The following SLC30A8 variants were observed in gnomAD, a reference collection of about 807,000 sequenced individuals.
SLC30A8 encodes proton-coupled zinc antiporter SLC30A8.
SLC30A8 carries 27 observed loss-of-function variants against 36.9 expected under a neutral mutation model. The observed-to-expected ratio is 0.73, with a 90% CI of 0.54 to 1.01. SLC30A8 has a LOEUF of 1.01. SLC30A8 is among the 50% of genes least tolerant of loss of function. The pLI, the probability that SLC30A8 is intolerant of heterozygous loss-of-function variation, is 0.00. For missense variants in SLC30A8, 439 were observed against 452.0 expected, an observed-to-expected ratio of 0.97 and a Z score of 0.26; for synonymous variants, 164 against 172.4, an observed-to-expected ratio of 0.95 and a Z score of 0.38.
intron 2 of SLC30A8, among the ~76,000 whole-genome samples, chr8:117,126,458 C>T (rs1036530378): frequency 6.6e-6 from 1 of 151,856 alleles, no homozygotes; most frequent in Admixed American, 6.6e-5. Context: ...GAATGGTACC[C>T]AAGTCTTCTG....
intron 1 of SLC30A8, among the ~76,000 whole-genome samples, chr8:116,977,784 A>T (rs1815102863): frequency 6.6e-6 from 1 of 152,118 alleles, no homozygotes; most frequent in Non-Finnish European, 1.5e-5. Context: ...TGTTGGGATT[A>T]CAGGTGTGAG....
At chr8:117,082,582 G>A (rs1275983054) in intron 2 of SLC30A8, among the ~76,000 whole-genome samples, 3 of 152,162 alleles carry the variant, frequency 2.0e-5, no homozygotes, top group Admixed American at 6.6e-5. Context: ...TATTGATCAT[G>A]ATGATGTGAA....
upstream of SLC30A8, among the ~76,000 whole-genome samples, chr8:117,133,013 ATAAT>A (rs376570445): frequency 3.9e-3 from 591 of 152,132 alleles, 5 homozygotes; most frequent in African/African-American, 0.013. Context: ...GATGAAAATC[ATAAT>A]TAATTTCCTA....
At chr8:116,960,311 T>G (rs959989922) in intron 1 of SLC30A8, among the ~76,000 whole-genome samples, 40 of 152,322 alleles carry the variant, frequency 2.6e-4, no homozygotes, top group African/African-American at 9.6e-4. Context: ...ACATTTGACC[T>G]TCACTTTTTT....
intron 1 of SLC30A8, among the ~76,000 whole-genome samples, chr8:116,987,460 A>G (rs1176655541): frequency 1.3e-5 from 2 of 152,086 alleles, no homozygotes; most frequent in African/African-American, 2.4e-5. Context: ...ACACGTAAAA[A>G]TAAAATAAAA....
intron 2 of SLC30A8, among the ~76,000 whole-genome samples, chr8:117,056,717 G>A (rs973500291): frequency 6.6e-6 from 1 of 152,060 alleles, no homozygotes; most frequent in Non-Finnish European, 1.5e-5. Flanking sequence ...AGAAGCAACA[G>A]ACCACTTATA....
intron 2 of SLC30A8, among the ~76,000 whole-genome samples, chr8:117,071,114 G>T (rs1278814658): frequency 1.3e-5 from 2 of 152,112 alleles, no homozygotes; most frequent in African/African-American, 4.8e-5. Flanking sequence ...TATTTGAGGA[G>T]CCTCCATACT....
Position 117,118,847 on chromosome 8 carries a change from G to A in SLC30A8, c.-225-16433G>A, listed in dbSNP as rs535442457. ...ACAATTTGAGTCATTCATCTGCATT[G>A]CTGTCAGGTGATGGTAAAATTCTGG... On this transcript the variant is annotated intron_variant, in intron 2 of 10. Coordinates refer to the SLC30A8 transcript ENST00000427715. 1.5e-4 allele frequency among the ~76,000 whole-genome samples: 23 copies of A among 151,934 alleles called. 1 individual carries two copies. The South Asian group carries it at 4.8e-3, about 32-fold the overall frequency.
chr8:117,001,608 T>C (rs1010235709), intron 1 of SLC30A8, among the ~76,000 whole-genome samples: 2 of 152,236 alleles, frequency 1.3e-5, no homozygotes, highest in African/African-American at 4.8e-5. Context: ...GTGACTAGAA[T>C]AGTTTTTTTC....
At chr8:117,112,857 C>A (rs192101978) in intron 2 of SLC30A8, among the ~76,000 whole-genome samples, 1 of 150,814 alleles carries the variant, frequency 6.6e-6, no homozygotes, top group African/African-American at 2.5e-5. Flanking sequence ...TGCAGTTTTG[C>A]GGAGTCAGCA....
chr8:117,127,738 CA>C (rs1389222380), intron 2 of SLC30A8, among the ~76,000 whole-genome samples: 1 of 151,944 alleles, frequency 6.6e-6, no homozygotes, highest in Non-Finnish European at 1.5e-5. Flanking sequence ...CTAATAATCC[CA>C]GGGGCTAAGA....
chr8:117,067,211 G>A (rs1257294752), intron 2 of SLC30A8, among the ~76,000 whole-genome samples: 1 of 152,070 alleles, frequency 6.6e-6, no homozygotes, highest in African/African-American at 2.4e-5. Flanking sequence ...CTCACCACAC[G>A]TAGGGATTAT....
chr8:117,148,219 G>A (rs1453049823), intron 2 of SLC30A8, among the ~76,000 whole-genome samples: 1 of 151,784 alleles, frequency 6.6e-6, no homozygotes, highest in Non-Finnish European at 1.5e-5. Context: ...TAGCTTTTTT[G>A]TTGTTTAATT....
rs1823642399 is a variant in SLC30A8 at position 117,175,671 on chromosome 8, G to A, written c.*2990G>A. On this transcript the variant is annotated 3_prime_UTR_variant, in exon 8 of 8. Coordinates refer to ENST00000456015, the MANE Select transcript of SLC30A8 (RefSeq NM_173851.3). The stretch of plus-strand genomic sequence containing the variant: ...AGCAGTGCATAGCATGTAGTGTTCA[G>A]TACATGTTAAATGTTGTTTTTTATT... 1 of 152,086 alleles carries A rather than the reference G, an allele frequency of 6.6e-6. No individual in the cohort carries two copies. The highest frequency in any genetic ancestry group is 1.5e-5 in the Non-Finnish European group (1 of 68,002). 9.4% of individuals were successfully genotyped at this position (152,086 alleles called of 1,614,324 possible).
At chr8:117,023,198 T>G (rs535169402) in intron 1 of SLC30A8, among the ~76,000 whole-genome samples, 31 of 152,104 alleles carry the variant, frequency 2.0e-4, no homozygotes, top group Non-Finnish European at 1.6e-4. Flanking sequence ...TTAGAATGGC[T>G]ATCATTAAAA....
chr8:116,960,775 A>T (rs1158350252), intron 1 of SLC30A8, among the ~76,000 whole-genome samples: 1 of 152,246 alleles, frequency 6.6e-6, no homozygotes, highest in East Asian at 1.9e-4. Flanking sequence ...TAATTGAAGC[A>T]ATCACATCTG....
At chr8:116,965,884 A>ATT (rs528650121) in intron 1 of SLC30A8, among the ~76,000 whole-genome samples, 7 of 138,886 alleles carry the variant, frequency 5.0e-5, no homozygotes, top group Non-Finnish European at 7.9e-5. Context: ...ATTTTTTTTA[A>ATT]TTTTTTTTTT....
rs188094890 is a variant in SLC30A8, at chr8:116,981,583, G to T, written c.-266+30464G>T. On this transcript the variant is annotated intron_variant, in intron 1 of 10. Transcript: ENST00000427715. ...CATTCCTCCCTCTCACTACCCTCAA[G>T]CAGGTCCTAGTATCTGTTGTTCCCT... Among the ~76,000 whole-genome samples, 673 of 152,138 alleles carry T rather than the reference G, an allele frequency of 4.4e-3. 2 individuals are homozygous for T. Among genetic ancestry groups the T allele is most frequent in the African/African-American group, 0.015 (603 of 41,512 alleles).
chr8:116,994,478 C>G (rs2130671143), intron 1 of SLC30A8, among the ~76,000 whole-genome samples: 1 of 152,192 alleles, frequency 6.6e-6, no homozygotes, highest in East Asian at 1.9e-4. Context: ...ATTACAACTA[C>G]ACATTTCAAC....
Sources: allele counts gnomAD v4.1 joint callset (sites outside exome capture counted in the v4.1 genomes callset), GRCh38; gene constraint gnomAD v4.1.1; transcripts MANE v1.5; gene names NCBI Gene and HGNC (gene_info 2026-07-23, HGNC 2026-07-21).